SUGCT: variants seen among roughly 807,000 people sequenced by gnomAD.
SUGCT encodes the protein succinyl-CoA:glutarate CoA-transferase.
Under a neutral mutation model 55.0 loss-of-function variants are expected in SUGCT, and 41 were observed. The ratio of observed to expected loss-of-function variants is 0.74; its 90% CI spans 0.58 to 0.97. The LOEUF is 0.97. Ranked by LOEUF, SUGCT falls within the 50% of genes least tolerant of loss-of-function variation. The probability of loss-of-function intolerance (pLI) is 0.00; values close to 1 mark genes in which losing one functional copy is unlikely to be tolerated. For synonymous variants in SUGCT, 187 were observed against 200.4 expected, an observed-to-expected ratio of 0.93 and a Z score of 0.56; for missense variants, 568 against 547.8, an observed-to-expected ratio of 1.04 and a Z score of -0.37.
chr7:40,682,195 G>A (rs913340124), intron 12 of SUGCT, among the ~76,000 whole-genome samples: 1 of 152,140 alleles, frequency 6.6e-6, no homozygotes, highest in Non-Finnish European at 1.5e-5. Context: ...AGGGGTCCCT[G>A]CTCCATCTCA....
intron 1 of SUGCT, among the ~76,000 whole-genome samples, chr7:40,145,894 A>G (rs1040084794): frequency 6.6e-6 from 1 of 152,162 alleles, no homozygotes; most frequent in Admixed American, 6.5e-5. Flanking sequence ...TTTTCCCTCA[A>G]TCACCTGGGA....
intron 12 of SUGCT, among the ~76,000 whole-genome samples, chr7:40,522,206 G>T (rs1793568481): frequency 6.6e-6 from 1 of 152,072 alleles, no homozygotes; most frequent in Non-Finnish European, 1.5e-5. Context: ...GTTCTTTCAT[G>T]TACCAGCAAC....
intron 13 of SUGCT, among the ~76,000 whole-genome samples, chr7:40,810,544 G>A (rs887293570): frequency 6.6e-6 from 1 of 152,042 alleles, no homozygotes; most frequent in Non-Finnish European, 1.5e-5. Context: ...TCATATGTTT[G>A]TTGGCCACTT....
the SUGCT span, among the ~76,000 whole-genome samples, chr7:40,937,536 CT>C: frequency 6.6e-6 from 1 of 152,108 alleles, no homozygotes; most frequent in Non-Finnish European, 1.5e-5. Flanking sequence ...TTATTTTTCC[CT>C]TCAATTCTGT....
rs71560200 is a variant in SUGCT at position 40,695,167 on chromosome 7, TTTTATTTA to T, written c.1090-54223_1090-54216del. ...TAATGTTATCTACCTAAACCCTTATTTTTATTTATTTATTTATTTATTTATTTATTTAT... is the reference window on the plus strand; with the variant it reads ...TAATGTTATCTACCTAAACCCTTATTTTTATTTATTTATTTATTTATTTAT... On this transcript the variant is annotated intron_variant, in intron 12 of 13. Coordinates refer to ENST00000335693, the MANE Select transcript of SUGCT (RefSeq NM_001193313.2). Among the ~76,000 whole-genome samples the T allele has an allele frequency of 9.3e-3, 1,260 of 135,498 alleles. 8 individuals carry two copies. The highest frequency in any genetic ancestry group is 0.021 in the East Asian group (93 of 4,534). The allele number at this position is 135,498 out of a possible 152,430, so 88.9% of individuals were successfully genotyped here.
the SUGCT span, among the ~76,000 whole-genome samples, chr7:40,885,424 A>G: frequency 2.0e-5 from 3 of 152,294 alleles, no homozygotes; most frequent in African/African-American, 7.2e-5. Context: ...CTCACCTGTG[A>G]TCCTGAGACT....
At chr7:40,625,266 G>C (rs1243584824) in intron 12 of SUGCT, among the ~76,000 whole-genome samples, 1 of 151,740 alleles carries the variant, frequency 6.6e-6, no homozygotes, top group Non-Finnish European at 1.5e-5. Context: ...TCCTTAACAC[G>C]CAACCCCCTT....
At position 40,357,769 on chromosome 7, in the gene SUGCT, C is replaced by T. The variant is rs541191836; in HGVS notation, c.816+40914C>T. Reference sequence around the variant, plus strand: ...TTTTTGTCTTTTTAAAATCTTTTTTCTTTTTTTTAATCTTCTTTTGATTTT... The same window carrying T: ...TTTTTGTCTTTTTAAAATCTTTTTTTTTTTTTTTAATCTTCTTTTGATTTT... On this transcript the variant is annotated intron_variant, in intron 9 of 13. Transcript: ENST00000335693. Among the ~76,000 whole-genome samples the T allele has an allele frequency of 2.0e-3, 295 of 147,846 alleles. 11 individuals are homozygous for T. In the South Asian group the frequency reaches 0.06, roughly 30 times the overall value.
the SUGCT span, among the ~76,000 whole-genome samples, chr7:40,885,162 G>A: frequency 6.6e-6 from 1 of 152,264 alleles, no homozygotes; most frequent in East Asian, 1.9e-4. Flanking sequence ...TGGTGTTGAG[G>A]ATGGTGGTAA....
At chr7:40,977,312 A>T in the SUGCT span, among the ~76,000 whole-genome samples, 1 of 152,252 alleles carries the variant, frequency 6.6e-6, no homozygotes, top group African/African-American at 2.4e-5. Flanking sequence ...CTTCCAGAGC[A>T]TGCTGGCGAC....
chr7:40,854,023 T>C (rs547388929), intron 13 of SUGCT, among the ~76,000 whole-genome samples: 1 of 152,378 alleles, frequency 6.6e-6, no homozygotes, highest in East Asian at 1.9e-4. Context: ...AGGTTATATG[T>C]GCTACTCAAA....
intron 12 of SUGCT, among the ~76,000 whole-genome samples, chr7:40,662,265 G>C (rs1370327340): frequency 6.6e-6 from 1 of 152,158 alleles, no homozygotes. Flanking sequence ...CTGAAACCTA[G>C]CCTGCACTGT....
In SUGCT at chr7:40,380,460, T is replaced by C. The variant is rs1470992435; in HGVS notation, c.816+63605T>C. Among the ~76,000 whole-genome samples the C allele has an allele frequency of 4.6e-5, 7 of 152,302 alleles. No individual in the cohort carries two copies. The East Asian group carries it at 1.3e-3, about 29-fold the overall frequency. Reference sequence around the variant, plus strand: ...GTCTTTACCCTGCCATTCGTGCTGATGTCACTCCGGCATATGGCTTTTGAA... The same window carrying C: ...GTCTTTACCCTGCCATTCGTGCTGACGTCACTCCGGCATATGGCTTTTGAA... On this transcript the variant is annotated intron_variant, in intron 9 of 13. Coordinates refer to ENST00000335693, the MANE Select transcript of SUGCT (RefSeq NM_001193313.2).
the SUGCT span, among the ~76,000 whole-genome samples, chr7:40,900,287 T>G: frequency 6.6e-6 from 1 of 152,350 alleles, no homozygotes; most frequent in South Asian, 2.1e-4. Flanking sequence ...TGGCTCCTCC[T>G]GCATGACCAA....
the SUGCT span, among the ~76,000 whole-genome samples, chr7:40,999,341 T>G: frequency 2.6e-5 from 4 of 152,066 alleles, no homozygotes; most frequent in Non-Finnish European, 5.9e-5. Context: ...AAAAAATCAG[T>G]CTTTCAATTC....
At chr7:41,003,136 T>C in the SUGCT span, among the ~76,000 whole-genome samples, 2 of 152,204 alleles carry the variant, frequency 1.3e-5, no homozygotes, top group African/African-American at 4.8e-5. Flanking sequence ...TCGGTGCGTT[T>C]CTTTTCTGTA....
At chr7:40,249,321 A>ATATATATCTATATATATATATC (rs1562612028) in intron 7 of SUGCT, among the ~76,000 whole-genome samples, 5 of 109,466 alleles carry the variant, frequency 4.6e-5, no homozygotes, top group Non-Finnish European at 7.4e-5. Flanking sequence ...AGCTATATAT[A>ATATATATCTATATATATATATC]TATATATATA....
At chr7:40,370,652 G>C (rs1248005959) in intron 9 of SUGCT, among the ~76,000 whole-genome samples, 1 of 151,710 alleles carries the variant, frequency 6.6e-6, no homozygotes, top group Admixed American at 6.6e-5. Context: ...GACAGAGAGA[G>C]AGATGGAGAC....
intron 12 of SUGCT, among the ~76,000 whole-genome samples, chr7:40,679,787 C>G (rs1784159434): frequency 6.6e-6 from 1 of 152,112 alleles, no homozygotes; most frequent in African/African-American, 2.4e-5. Flanking sequence ...TTATTAAAAT[C>G]CTCCTCCCTT....
Sources: allele counts gnomAD v4.1 joint callset (sites outside exome capture counted in the v4.1 genomes callset), GRCh38; gene constraint gnomAD v4.1.1; transcripts MANE v1.5; gene names NCBI Gene and HGNC (gene_info 2026-07-23, HGNC 2026-07-21).